Variants in B3GALT1 observed in about 807,000 individuals in gnomAD.
B3GALT1 encodes the protein beta-1,3-galactosyltransferase 1.
Under a neutral mutation model 23.2 loss-of-function variants are expected in B3GALT1, and 10 were observed. The ratio of observed to expected loss-of-function variants is 0.43; its 90% CI spans 0.27 to 0.73. B3GALT1 has a LOEUF of 0.73. Ranked by LOEUF, B3GALT1 falls within the 30% of genes least tolerant of loss-of-function variation. B3GALT1 has a pLI of 0.21. For missense variants in B3GALT1, 299 were observed against 405.4 expected (o/e 0.74, Z 2.25); for synonymous variants, 156 against 141.5 (o/e 1.10, Z -0.73).
At chr2:167,564,724 A>C (rs1017841901) in intron 2 of B3GALT1, among the ~76,000 whole-genome samples, 1 of 152,240 alleles carries the variant, frequency 6.6e-6, no homozygotes, top group African/African-American at 2.4e-5. Context: ...TAACAGACAG[A>C]CAGCCAAATC....
At chr2:167,422,646 A>G (rs1161645694) in intron 1 of B3GALT1, among the ~76,000 whole-genome samples, 1 of 152,170 alleles carries the variant, frequency 6.6e-6, no homozygotes, top group Admixed American at 6.5e-5. Flanking sequence ...GAGAGTGGTT[A>G]TGGATACCTG....
rs549249776 is a variant in B3GALT1, at chr2:167,640,848, T to G, written c.-409-6061T>G. Reference sequence around the variant, plus strand: ...CTGTAGGCTTTTGAGCTTTGGACTTTCAATCTAGACAGACAGAGCTATCAT... The same window carrying G: ...CTGTAGGCTTTTGAGCTTTGGACTTGCAATCTAGACAGACAGAGCTATCAT... On this transcript the variant is annotated intron_variant, in intron 2 of 4. Coordinates refer to ENST00000392690, the MANE Select transcript of B3GALT1 (RefSeq NM_020981.4). Among the ~76,000 whole-genome samples, 4 of 152,280 alleles carry G rather than the reference T, an allele frequency of 2.6e-5. No homozygotes were observed. The South Asian group carries it at 6.2e-4, about 24-fold the overall frequency.
intron 3 of B3GALT1, among the ~76,000 whole-genome samples, chr2:167,760,779 A>G (rs1217736289): frequency 6.6e-6 from 1 of 152,210 alleles, no homozygotes; most frequent in African/African-American, 2.4e-5. Flanking sequence ...GCTACCTACT[A>G]AGTGGAACTC....
In B3GALT1 at chr2:167,869,067, G is replaced by A. The variant is rs1190873902; in HGVS notation, c.28G>A (p.Val10Ile). MASKVSCLY[V>I]LTVVCWASAL... ...GGCTTCAAAGGTCTCCTGTTTGTAT[G>A]TTTTGACAGTTGTGTGCTGGGCCAG... The change falls in exon 5 of 5, where the codon GTT becomes ATT. Residue 10 changes from valine (V) to isoleucine (I), a missense_variant. By Grantham distance (29) the Val-to-Ile change is conservative. Transcript: ENST00000392690. This position sits in a 1 kb window ranked among gnomAD's most constrained non-coding sequence, Gnocchi z 6.4. 13 of 1,611,962 alleles carry A rather than the reference G, an allele frequency of 8.1e-6. No homozygotes were observed. The highest frequency in any genetic ancestry group is 1.0e-5 in the Non-Finnish European group (12 of 1,178,948).
chr2:167,692,191 C>A (rs1686725158), intron 3 of B3GALT1, among the ~76,000 whole-genome samples: 1 of 152,124 alleles, frequency 6.6e-6, no homozygotes, highest in South Asian at 2.1e-4. Flanking sequence ...CATGACCACA[C>A]AATTAGCAGG....
chr2:167,756,551 C>T (rs774686289), intron 3 of B3GALT1, among the ~76,000 whole-genome samples: 1 of 152,090 alleles, frequency 6.6e-6, no homozygotes, highest in Non-Finnish European at 1.5e-5. Flanking sequence ...AATTTTGGCT[C>T]GGCAGGCTAG....
chr2:167,347,923 A>G (rs968401065), intron 1 of B3GALT1, among the ~76,000 whole-genome samples: 6 of 152,162 alleles, frequency 3.9e-5, no homozygotes, highest in Non-Finnish European at 4.4e-5. Context: ...CTTTAGAAAT[A>G]TTAGTTTGGT....
chr2:167,461,579 T>C (rs1333792756), intron 1 of B3GALT1, among the ~76,000 whole-genome samples: 2 of 152,164 alleles, frequency 1.3e-5, no homozygotes, highest in Non-Finnish European at 2.9e-5. Context: ...TTATAAAGGT[T>C]TGGAATGTAC....
At chr2:167,427,671 G>A (rs1400648677) in intron 1 of B3GALT1, among the ~76,000 whole-genome samples, 1 of 152,156 alleles carries the variant, frequency 6.6e-6, no homozygotes, top group East Asian at 1.9e-4. Flanking sequence ...TGAATAGTGA[G>A]GACTACAGGC....
chr2:167,373,287 A>G (rs1486179217), intron 1 of B3GALT1, among the ~76,000 whole-genome samples: 1 of 152,128 alleles, frequency 6.6e-6, no homozygotes, highest in Admixed American at 6.5e-5. Context: ...AACACATATA[A>G]ATATATTTAC....
At chr2:167,775,005 TC>T (rs1688137540) in intron 3 of B3GALT1, among the ~76,000 whole-genome samples, 1 of 152,216 alleles carries the variant, frequency 6.6e-6, no homozygotes, top group Non-Finnish European at 1.5e-5. Flanking sequence ...TGATAATCAC[TC>T]CCATGTGTAA....
chr2:167,792,454 A>AG (rs1230707275), intron 3 of B3GALT1, among the ~76,000 whole-genome samples: 2 of 152,220 alleles, frequency 1.3e-5, no homozygotes, highest in African/African-American at 4.8e-5. Context: ...AAGATACTGA[A>AG]GTGGTACAAA....
intron 1 of B3GALT1, among the ~76,000 whole-genome samples, chr2:167,449,211 A>T (rs1289175600): frequency 6.6e-6 from 1 of 152,058 alleles, no homozygotes; most frequent in African/African-American, 2.4e-5. Flanking sequence ...CACAGTAGTG[A>T]TTCTACCCAT....
At chr2:167,662,376 G>A (rs529845682) in intron 3 of B3GALT1, among the ~76,000 whole-genome samples, 1 of 152,140 alleles carries the variant, frequency 6.6e-6, no homozygotes, top group African/African-American at 2.4e-5. Flanking sequence ...TTGAGAGGAT[G>A]GTATAGAGAT....
chr2:167,451,627 T>G (rs547597066), intron 1 of B3GALT1, among the ~76,000 whole-genome samples: 1 of 152,132 alleles, frequency 6.6e-6, no homozygotes, highest in East Asian at 1.9e-4. Flanking sequence ...TCAGTGAGGG[T>G]CCTTAGTTTT....
intron 1 of B3GALT1, among the ~76,000 whole-genome samples, chr2:167,327,244 T>G (rs1323697765): frequency 2.0e-5 from 3 of 152,106 alleles, no homozygotes; most frequent in Admixed American, 2.0e-4. Flanking sequence ...TATTTTGGGT[T>G]TCATACAAAT....
intron 3 of B3GALT1, among the ~76,000 whole-genome samples, chr2:167,743,746 A>G (rs905331081): frequency 3.9e-5 from 6 of 152,022 alleles, no homozygotes; most frequent in African/African-American, 1.2e-4. Context: ...CATCTTATCT[A>G]TTTAAACAGT....
intron 2 of B3GALT1, among the ~76,000 whole-genome samples, chr2:167,578,771 AT>A (rs1684427977): frequency 6.6e-6 from 1 of 152,008 alleles, no homozygotes; most frequent in African/African-American, 2.4e-5. Context: ...TATTTTTGTC[AT>A]TTAAACATGT....
chr2:167,347,306 A>C (rs1194293286), intron 1 of B3GALT1, among the ~76,000 whole-genome samples: 1 of 152,176 alleles, frequency 6.6e-6, no homozygotes, highest in Non-Finnish European at 1.5e-5. Flanking sequence ...AGCCACTTGC[A>C]CTAGCTTAGA....
Sources: allele counts gnomAD v4.1 joint callset (sites outside exome capture counted in the v4.1 genomes callset), GRCh38; gene constraint gnomAD v4.1.1; non-coding constraint Gnocchi (gnomAD v3.1); transcripts MANE v1.5; gene names NCBI Gene and HGNC (gene_info 2026-07-23, HGNC 2026-07-21).